SEMA5A: variants seen among roughly 807,000 people sequenced by gnomAD.
SEMA5A encodes semaphorin 5A.
SEMA5A carries 55 observed loss-of-function variants against 135.5 expected under a neutral mutation model. The observed-to-expected ratio is 0.41, with a 90% confidence interval of 0.33 to 0.51. SEMA5A has a LOEUF of 0.51. Among genes scored for constraint, SEMA5A ranks in the 20% least tolerant of loss-of-function variants. SEMA5A has a pLI of 0.37. For synonymous variants in SEMA5A, 580 were observed against 546.5 expected, an observed-to-expected ratio of 1.06 and a Z score of -0.85; for missense variants, 1,290 against 1,419.9, an observed-to-expected ratio of 0.91 and a Z score of 1.47.
chr5:9,198,125 T>A (rs1745518483), intron 9 of SEMA5A, among the ~76,000 whole-genome samples: 1 of 152,140 alleles, frequency 6.6e-6, no homozygotes, highest in African/African-American at 2.4e-5. Flanking sequence ...CAAGAAAGCT[T>A]ACATATATTT....
chr5:9,320,541 C>T (rs1485095148), intron 4 of SEMA5A, among the ~76,000 whole-genome samples: 1 of 152,170 alleles, frequency 6.6e-6, no homozygotes. Context: ...GAGACCCTAT[C>T]TCTACAAAAA....
intron 1 of SEMA5A, among the ~76,000 whole-genome samples, chr5:9,520,563 AGGGATTGGTCT>A (rs1281650405): frequency 6.6e-6 from 1 of 152,144 alleles, no homozygotes; most frequent in Admixed American, 6.5e-5. Context: ...TATTGAAGAT[AGGGATTGGTCT>A]GGGATTGGTC....
At chr5:9,094,140 A>G (rs1224970316) in intron 16 of SEMA5A, among the ~76,000 whole-genome samples, 2 of 152,188 alleles carry the variant, frequency 1.3e-5, no homozygotes, top group Non-Finnish European at 2.9e-5. Context: ...TACTGTATCC[A>G]TCTACATGGG....
intron 16 of SEMA5A, among the ~76,000 whole-genome samples, chr5:9,078,918 T>C (rs189982684): frequency 6.6e-4 from 100 of 152,244 alleles, no homozygotes; most frequent in Non-Finnish European, 1.1e-3. Flanking sequence ...ACCTGATGAT[T>C]AGTCTATGAT....
At chr5:9,441,585 A>G (rs1561255771) in intron 1 of SEMA5A, among the ~76,000 whole-genome samples, 1 of 152,134 alleles carries the variant, frequency 6.6e-6, no homozygotes, top group Non-Finnish European at 1.5e-5. Flanking sequence ...CCACAAAGGT[A>G]AAAATCTGGA....
intron 5 of SEMA5A, among the ~76,000 whole-genome samples, chr5:9,239,334 T>C (rs1748080284): frequency 6.6e-6 from 1 of 152,170 alleles, no homozygotes; most frequent in Non-Finnish European, 1.5e-5. Flanking sequence ...AATACAGTCA[T>C]AGCTAATCAG....
chr5:9,277,115 C>T (rs76882790), intron 5 of SEMA5A, among the ~76,000 whole-genome samples: 7,459 of 151,538 alleles, frequency 0.049, 326 homozygotes, highest in East Asian at 0.2. Context: ...CAAATTTACA[C>T]GGAAAAAAAC....
chr5:9,043,310 C>T (rs1435047720), intron 22 of SEMA5A: 1 of 280,172 alleles, frequency 3.6e-6, no homozygotes, highest in Non-Finnish European at 6.7e-6. Context: ...CTCTAGAAAA[C>T]CTAAAACTAT....
intron 1 of SEMA5A, among the ~76,000 whole-genome samples, chr5:9,544,306 C>T (rs780276191): frequency 1.3e-4 from 20 of 152,166 alleles, no homozygotes; most frequent in Non-Finnish European, 2.4e-4. Context: ...ACAAAGCTCA[C>T]GTTATCTTCC....
chr5:9,050,036 G>A (rs1369212671), intron 21 of SEMA5A, among the ~76,000 whole-genome samples: 5 of 151,926 alleles, frequency 3.3e-5, no homozygotes, highest in East Asian at 1.9e-4. Flanking sequence ...AGTGAATACC[G>A]AGACCACTGG....
intron 5 of SEMA5A, among the ~76,000 whole-genome samples, chr5:9,296,271 C>A (rs1221477843): frequency 6.6e-6 from 1 of 152,060 alleles, no homozygotes; most frequent in Non-Finnish European, 1.5e-5. Flanking sequence ...CGTTTACAGG[C>A]TTATCATATC....
intron 2 of SEMA5A, among the ~76,000 whole-genome samples, chr5:9,426,997 C>A (rs1309476834): frequency 1.3e-5 from 2 of 152,096 alleles, no homozygotes; most frequent in African/African-American, 2.4e-5. Context: ...TAGTCCAGTA[C>A]ATAAAAGAGA....
chr5:9,302,560 C>T (rs1751661888), intron 5 of SEMA5A, among the ~76,000 whole-genome samples: 2 of 152,196 alleles, frequency 1.3e-5, no homozygotes, highest in African/African-American at 2.4e-5. Context: ...TCATTATGCT[C>T]ATGAACCTGG....
intron 5 of SEMA5A, among the ~76,000 whole-genome samples, chr5:9,294,900 A>G (rs1278776633): frequency 1.3e-5 from 2 of 151,984 alleles, no homozygotes; most frequent in African/African-American, 4.8e-5. Context: ...AGAATTCTCA[A>G]TTAGCCTTTC....
chr5:9,301,330 T>A (rs1364454399), intron 5 of SEMA5A, among the ~76,000 whole-genome samples: 1 of 152,240 alleles, frequency 6.6e-6, no homozygotes, highest in East Asian at 1.9e-4. Flanking sequence ...ATGTGCAACG[T>A]CATTGAAATC....
chr5:9,263,828 G>A (rs2077817465), intron 5 of SEMA5A, among the ~76,000 whole-genome samples: 1 of 152,150 alleles, frequency 6.6e-6, no homozygotes, highest in South Asian at 2.1e-4. Context: ...AGTTTTCCCT[G>A]TGTCTCTTGG....
chr5:9,500,440 CT>C, intron 1 of SEMA5A, among the ~76,000 whole-genome samples: 1 of 152,248 alleles, frequency 6.6e-6, no homozygotes, highest in East Asian at 1.9e-4. Context: ...ATCATGTTAG[CT>C]TTTGACATGT....
chr5:9,160,476 G>C (rs1036520399), intron 11 of SEMA5A, among the ~76,000 whole-genome samples: 1 of 152,154 alleles, frequency 6.6e-6, no homozygotes, highest in African/African-American at 2.4e-5. Context: ...TGGTGTTTCT[G>C]AGAATAAGAT....
At chr5:9,052,888 T>C (rs1331672463) in intron 19 of SEMA5A, among the ~76,000 whole-genome samples, 1 of 152,212 alleles carries the variant, frequency 6.6e-6, no homozygotes, top group Non-Finnish European at 1.5e-5. Context: ...TTTGCTTTTT[T>C]CCCCTTTTTA....
Sources: allele counts gnomAD v4.1 joint callset (sites outside exome capture counted in the v4.1 genomes callset), GRCh38; gene constraint gnomAD v4.1.1; transcripts MANE v1.5; gene names NCBI Gene and HGNC (gene_info 2026-07-23, HGNC 2026-07-21).